CCDC50: variants seen among roughly 807,000 people sequenced by gnomAD.
The protein encoded by CCDC50 is coiled-coil domain containing 50.
Under a neutral mutation model 70.2 loss-of-function variants are expected in CCDC50, and 54 were observed. The observed-to-expected ratio is 0.77, with a 90% CI of 0.62 to 0.96. The LOEUF (loss-of-function observed/expected upper bound fraction) is 0.96. Ranked by LOEUF, CCDC50 falls within the 50% of genes least tolerant of loss-of-function variation. CCDC50 has a pLI of 0.00. For missense variants in CCDC50, 558 were observed against 578.7 expected (o/e 0.96, Z 0.37); for synonymous variants, 216 against 198.8 (o/e 1.09, Z -0.73).
In CCDC50 at chr3:191,393,472, C is replaced by G. The variant is rs1458633303; in HGVS notation, c.*1712C>G. 6.6e-6 allele frequency: 1 copy of G among 152,114 alleles called. No homozygotes were observed. The highest frequency in any genetic ancestry group is 1.9e-4 in the East Asian group (1 of 5,192). 9.4% of individuals were successfully genotyped at this position (152,114 alleles called of 1,614,324 possible). A position where few individuals can be genotyped will look rare whatever the true frequency, so the allele number is the denominator to read the frequency against. Reference sequence around the variant, plus strand: ...TTCAGGCAGCTATTTAGAACAGTTTCTCAGAGTGGATTTGGGTCTCTCATT... The same window carrying G: ...TTCAGGCAGCTATTTAGAACAGTTTGTCAGAGTGGATTTGGGTCTCTCATT... On this transcript the variant is annotated 3_prime_UTR_variant, in exon 12 of 12. Coordinates refer to ENST00000392455, the MANE Select transcript of CCDC50 (RefSeq NM_178335.3).
At chr3:191,343,197 G>T (rs1711793655) in intron 1 of CCDC50, among the ~76,000 whole-genome samples, 1 of 152,286 alleles carries the variant, frequency 6.6e-6, no homozygotes, top group Non-Finnish European at 1.5e-5. Context: ...TCCCCCTCAC[G>T]TATACCCAGG....
intron 6 of CCDC50, 132 bp from the exon 7 acceptor site, chr3:191,380,027 T>C (rs1305453749): frequency 1.5e-6 from 1 of 662,824 alleles, no homozygotes; most frequent in Non-Finnish European, 2.7e-6. Context: ...CACCCCACAC[T>C]GTATTCTGGA....
Position 191,342,561 on chromosome 3 carries a change from A to C in CCDC50, c.49+12838A>C, listed in dbSNP as rs138340216. 3.3e-3 allele frequency among the ~76,000 whole-genome samples: 499 copies of C among 152,320 alleles called. 2 individuals are homozygous for C. The highest frequency in any genetic ancestry group is 0.011 in the African/African-American group (448 of 41,564). On this transcript the variant is annotated intron_variant, in intron 1 of 11. Transcript: ENST00000392455. Reference sequence around the variant, plus strand: ...TTCCCCTGGTGTAAACTTGTACTTAAGCTGGGCTGGAAGTGATCTTTGGGT... The same window carrying C: ...TTCCCCTGGTGTAAACTTGTACTTACGCTGGGCTGGAAGTGATCTTTGGGT...
At chr3:191,363,050 A>C (rs1039351627) in intron 4 of CCDC50, among the ~76,000 whole-genome samples, 1 of 147,480 alleles carries the variant, frequency 6.8e-6, no homozygotes, top group Non-Finnish European at 1.5e-5. Flanking sequence ...TTGGCTTCTT[A>C]TAAATGCTAC....
intron 11 of CCDC50, among the ~76,000 whole-genome samples, chr3:191,391,419 T>C (rs1261709429): frequency 1.3e-5 from 2 of 152,190 alleles, no homozygotes; most frequent in African/African-American, 4.8e-5. Context: ...TTGGACATTA[T>C]AAACATCTTC....
rs2108651457 is a variant in CCDC50, at chr3:191,361,168, T to TA, written c.330+10dup. ...AGGAGAAGAAGGATGAGGTATAACT[T>TA]AGTTACTGCCCCTCTCCCTCATGGA... On this transcript the variant is annotated intron_variant, in intron 4 of 11. Transcript: ENST00000392455. The TA allele has an allele frequency of 1.9e-6, 3 of 1,594,962 alleles. No individual in the cohort carries two copies. The East Asian group carries it at 6.7e-5, about 36-fold the overall frequency.
chr3:191,358,146 G>C (rs201158094), intron 3 of CCDC50, 22 bp downstream of exon 3: 2 of 1,613,354 alleles, frequency 1.2e-6, no homozygotes, highest in Non-Finnish European at 1.7e-6. Flanking sequence ...GGAGGTGGGA[G>C]GGGTGATGCA....
intron 5 of CCDC50, among the ~76,000 whole-genome samples, chr3:191,372,444 C>T (rs2108660749): frequency 6.6e-6 from 1 of 152,228 alleles, no homozygotes; most frequent in East Asian, 1.9e-4. Flanking sequence ...CCACAGAAAC[C>T]ATATTATAGT....
At chr3:191,367,404 A>T (rs1325037821) in intron 4 of CCDC50, among the ~76,000 whole-genome samples, 1 of 152,110 alleles carries the variant, frequency 6.6e-6, no homozygotes, top group African/African-American at 2.4e-5. Context: ...CCTAAATCTC[A>T]ATGTTAAAAT....
At chr3:191,336,422 A>T (rs909137544) in intron 1 of CCDC50, among the ~76,000 whole-genome samples, 3 of 152,100 alleles carry the variant, frequency 2.0e-5, no homozygotes, top group Non-Finnish European at 1.5e-5. Context: ...CTAATGACTC[A>T]TGATGTTGTG....
Position 191,336,305 on chromosome 3 carries a change from C to T in CCDC50, c.49+6582C>T, listed in dbSNP as rs140279790. Among the ~76,000 whole-genome samples, 109 of 152,204 alleles carry T rather than the reference C, an allele frequency of 7.2e-4. No homozygotes were observed. The East Asian group carries it at 0.02, about 28-fold the overall frequency. ...ATGTATGTGAGCTCCAGTTGTTCTGCATCCTTGCTGGCATTTGATATTTTC... is the reference window on the plus strand; with the variant it reads ...ATGTATGTGAGCTCCAGTTGTTCTGTATCCTTGCTGGCATTTGATATTTTC... On this transcript the variant is annotated intron_variant, in intron 1 of 11. Coordinates refer to ENST00000392455, the MANE Select transcript of CCDC50 (RefSeq NM_178335.3).
At position 191,396,003 on chromosome 3, in the gene CCDC50, G is replaced by A. The variant is rs1401802062; in HGVS notation, c.*4243G>A. The A allele has an allele frequency of 1.3e-5, 2 of 152,148 alleles. No individual in the cohort carries two copies. The highest frequency in any genetic ancestry group is 4.8e-5 in the African/African-American group (2 of 41,432). 9.4% of individuals were successfully genotyped at this position (152,148 alleles called of 1,614,324 possible). ...GGGCACAATGTCTTTCAAATTATTG[G>A]TGGAAGAATCTCTTTTATCCATGGC... On this transcript the variant is annotated 3_prime_UTR_variant, in exon 12 of 12. Transcript: ENST00000392455.
chr3:191,364,848 T>C (rs1417501047), intron 4 of CCDC50, among the ~76,000 whole-genome samples: 1 of 152,102 alleles, frequency 6.6e-6, no homozygotes, highest in East Asian at 1.9e-4. Flanking sequence ...TTCTTCACTT[T>C]CTTGCTCTCT....
chr3:191,329,569 G>C lies in CCDC50; in HGVS notation c.-106G>C. 8.4e-7 allele frequency: 1 copy of C among 1,190,838 alleles called. No homozygotes were observed. Among genetic ancestry groups the C allele is most frequent in the Non-Finnish European group, 1.2e-6 (1 of 857,214 alleles). The allele number at this position is 1,190,838 out of a possible 1,614,324, so 73.8% of individuals were successfully genotyped here. A position where few individuals can be genotyped will look rare whatever the true frequency, so the allele number is the denominator to read the frequency against. On this transcript the variant is annotated 5_prime_UTR_variant, in exon 1 of 12. Transcript: ENST00000392455. Reference sequence around the variant, plus strand: ...CTCCGGCCTGCGAGCCCTGCCGGCCGGACTTTGCGCCGCGTCCGGCGCTGC... The same window carrying C: ...CTCCGGCCTGCGAGCCCTGCCGGCCCGACTTTGCGCCGCGTCCGGCGCTGC...
At chr3:191,355,640 C>G (rs1398143489) in intron 1 of CCDC50, among the ~76,000 whole-genome samples, 1 of 152,148 alleles carries the variant, frequency 6.6e-6, no homozygotes, top group Non-Finnish European at 1.5e-5. Flanking sequence ...TTATCTAGCT[C>G]ATCTTGAAAC....
At chr3:191,339,138 A>G (rs146438348) in intron 1 of CCDC50, among the ~76,000 whole-genome samples, 141 of 152,320 alleles carry the variant, frequency 9.3e-4, no homozygotes, top group African/African-American at 3.2e-3. Flanking sequence ...GAAACAATGA[A>G]TATACAGATT....
intron 3 of CCDC50, among the ~76,000 whole-genome samples, chr3:191,358,862 C>G (rs142944518): frequency 9.2e-4 from 140 of 152,190 alleles, no homozygotes; most frequent in Middle Eastern, 3.4e-3. Context: ...TGGAAGGAAC[C>G]CCTTAATTTA....
At chr3:191,356,682 A>G (rs1712293922) in intron 1 of CCDC50, among the ~76,000 whole-genome samples, 1 of 152,176 alleles carries the variant, frequency 6.6e-6, no homozygotes, top group Non-Finnish European at 1.5e-5. Context: ...TTCTTTTAAC[A>G]CCTCTAATTA....
chr3:191,337,894 G>A (rs1330495475), intron 1 of CCDC50, among the ~76,000 whole-genome samples: 1 of 151,920 alleles, frequency 6.6e-6, no homozygotes, highest in Non-Finnish European at 1.5e-5. Context: ...TGTGAATGAA[G>A]TATCATTTCA....
Sources: gnomAD v4.1 joint callset for allele counts (sites outside exome capture counted in the v4.1 genomes callset) on GRCh38, gnomAD v4.1.1 for gene constraint, MANE v1.5 for transcripts, NCBI Gene and HGNC (gene_info 2026-07-23, HGNC 2026-07-21) for gene names.